HAGH: variants seen among roughly 807,000 people sequenced by gnomAD.
The protein encoded by HAGH is hydroxyacylglutathione hydrolase.
HAGH carries 29 observed loss-of-function variants against 35.1 expected under a neutral mutation model. The ratio of observed to expected loss-of-function variants is 0.83; its 90% CI spans 0.62 to 1.13. HAGH has a LOEUF of 1.13. Among genes scored for constraint, HAGH ranks in the 50% most tolerant of loss-of-function variants. HAGH has a pLI of 0.00. For synonymous variants in HAGH, 225 were observed against 176.1 expected (o/e 1.28, Z -2.20); for missense variants, 478 against 419.6 (o/e 1.14, Z -1.22).
At chr16:1,813,509 T>C (rs1400672628) in intron 7 of HAGH, among the ~76,000 whole-genome samples, 1 of 152,152 alleles carries the variant, frequency 6.6e-6, no homozygotes, top group Non-Finnish European at 1.5e-5. Flanking sequence ...TGACCAGAAG[T>C]GCTTAGGGAT....
intron 7 of HAGH, among the ~76,000 whole-genome samples, chr16:1,813,854 T>C (rs1596916577): frequency 1.3e-5 from 2 of 152,204 alleles, no homozygotes; most frequent in East Asian, 1.9e-4. Context: ...TGGCAAGTCA[T>C]AGAGACCAAC....
At chr16:1,813,703 C>T (rs770195708) in intron 7 of HAGH, among the ~76,000 whole-genome samples, 5 of 152,162 alleles carry the variant, frequency 3.3e-5, no homozygotes, top group Admixed American at 6.6e-5. Flanking sequence ...TAGAAGTTCA[C>T]GAGATGATTC....
In HAGH at chr16:1,822,873, G is replaced by C; in HGVS notation, c.241C>G (p.Pro81Ala). The change falls in exon 2 of 9, where the codon CCC (proline) becomes GCC (alanine). Residue 81 changes from proline (P) to alanine (A), a missense_variant. Coordinates refer to ENST00000397356, the MANE Select transcript of HAGH (RefSeq NM_005326.6). ...KEAAIVDPVQ[P>A]QKVVDAARKH... ...GGCACAGCCATGCGCACCTTCTGGG[G>C]CTGCACCGGATCCACAATGGCAGCC... 6.2e-7 allele frequency: 1 copy of C among 1,613,498 alleles called. No homozygotes were observed. Among genetic ancestry groups the C allele is most frequent in the Non-Finnish European group, 8.5e-7 (1 of 1,179,810 alleles).
intron 5 of HAGH, 114 bp downstream of exon 5, chr16:1,819,001 C>T: frequency 3.0e-6 from 2 of 677,552 alleles, no homozygotes; most frequent in South Asian, 3.4e-5. Flanking sequence ...ACCCCTGGGC[C>T]CCCTCACACC....
chr16:1,822,253 G>A (rs748125623), intron 3 of HAGH, 47 bp downstream of exon 3: 35 of 1,305,610 alleles, frequency 2.7e-5, no homozygotes, highest in Middle Eastern at 1.8e-4. Context: ...CCACCGGGGC[G>A]AGAAGTGAGC....
intron 3 of HAGH, among the ~76,000 whole-genome samples, chr16:1,820,664 G>A (rs1898115732): frequency 1.3e-5 from 2 of 152,174 alleles, no homozygotes; most frequent in Non-Finnish European, 2.9e-5. Flanking sequence ...GGTTGAAGGG[G>A]CCCTTCCCGG....
Position 1,816,878 on chromosome 16 carries a change from G to C in HAGH, c.747+15C>G, listed in dbSNP as rs762870876. ...AGCCCACAGGAAGGCACTGCGCAGT[G>C]ACGGCCCCACTCACCTTGGCCCAGG... On this transcript the variant is annotated intron_variant, in intron 7 of 8. Transcript: ENST00000397356. The C allele has an allele frequency of 3.2e-6, 5 of 1,558,530 alleles. No individual in the cohort carries two copies. The South Asian group carries it at 5.6e-5, about 17-fold the overall frequency.
At position 1,817,004 on chromosome 16, in the gene HAGH, G is replaced by A; in HGVS notation, c.646-10C>T. On this transcript the variant is annotated splice_polypyrimidine_tract_variant and intron_variant, in intron 6 of 8. Coordinates refer to ENST00000397356, the MANE Select transcript of HAGH (RefSeq NM_005326.6). ...GGCCACAGTAGACTCTCTGAGGAGA[G>A]AGGTGACAGGTGAGCTCGGAAGGCT... The A allele has an allele frequency of 1.9e-6, 3 of 1,584,204 alleles. No individual in the cohort carries two copies. The highest frequency in any genetic ancestry group is 1.7e-4 in the Middle Eastern group (1 of 6,042).
At position 1,826,748 on chromosome 16, in the gene HAGH, C is replaced by A. The variant is rs993200644; in HGVS notation, c.40G>T (p.Ala14Ser). 2 of 1,196,502 alleles carry A rather than the reference C, an allele frequency of 1.7e-6. No individual in the cohort carries two copies. The highest frequency in any genetic ancestry group is 1.6e-5 in the African/African-American group (1 of 62,900). 74.1% of individuals were successfully genotyped at this position (1,196,502 alleles called of 1,614,324 possible). Residue 14 changes from alanine to serine, a missense_variant, in exon 1 of 9, where the codon GCC becomes TCC. Ala to Ser is a moderately conservative substitution (Grantham distance 99). Transcript: ENST00000397356. ...CGGGCGCAGGCGGCTCCCAGCGCGG[C>A]GAGGCTGCGGCGGCCGAGCAGCCCT... The part of the protein sequence containing the change: ...GRGLLGRRSL[A>S]ALGAACARRG...
chr16:1,817,039 T>C (rs11860469), intron 6 of HAGH, 45 bp from the exon 7 acceptor site: 107,881 of 1,440,156 alleles, frequency 0.075, 4,567 homozygotes, highest in African/African-American at 0.16. Flanking sequence ...TGTTACCACC[T>C]GTGAAAGTCC....
Position 1,813,631 on chromosome 16 carries a change from G to T in HAGH, c.747+3262C>A, listed in dbSNP as rs572379003. Among the ~76,000 whole-genome samples, 19 of 152,288 alleles carry T rather than the reference G, an allele frequency of 1.2e-4. No individual in the cohort carries two copies. The East Asian group carries it at 3.5e-3, about 28-fold the overall frequency. ...CACAGAAACACTCAATGTTAAGATC[G>T]CAATTCTCGCCACATCAGTTATCAC... On this transcript the variant is annotated intron_variant, in intron 7 of 8. Coordinates refer to ENST00000397356, the MANE Select transcript of HAGH (RefSeq NM_005326.6).
chr16:1,818,917 C>G, intron 5 of HAGH, 198 bp downstream of exon 5: 1 of 579,802 alleles, frequency 1.7e-6, no homozygotes, highest in Non-Finnish European at 3.1e-6. Flanking sequence ...GCAAGCGTAA[C>G]TTCCTTCCAG....
intron 3 of HAGH, among the ~76,000 whole-genome samples, chr16:1,821,096 C>T (rs533756922): frequency 2.8e-4 from 43 of 152,272 alleles, no homozygotes; most frequent in African/African-American, 9.9e-4. Flanking sequence ...GCAAGGGCCT[C>T]GCACGACAGG....
rs1555467326 is a variant in HAGH, at chr16:1,814,930, T to TACACAA, written c.747+1962_747+1963insTTGTGT. 6.5e-4 allele frequency among the ~76,000 whole-genome samples: 92 copies of TACACAA among 140,712 alleles called. 2 individuals are homozygous for TACACAA. The Middle Eastern group carries it at 0.01, about 16-fold the overall frequency. The allele number at this position is 140,712 out of a possible 152,430, so 92.3% of individuals were successfully genotyped here. ...AAACAAATAAATATATATATGTATA[T>TACACAA]ACACACACACACACACACACACACA... On this transcript the variant is annotated intron_variant, in intron 7 of 8. Transcript: ENST00000397356.
chr16:1,809,912 C>G, intron 7 of HAGH, 79 bp from the exon 8 acceptor site: 1 of 1,070,536 alleles, frequency 9.3e-7, no homozygotes, highest in Non-Finnish European at 1.4e-6. Context: ...GTCTGTGATA[C>G]CAGCACTTTG....
Position 1,809,210 on chromosome 16 carries a change from C to G in HAGH, c.*73G>C, listed in dbSNP as rs781070088. Reference sequence around the variant, plus strand: ...AAGGTTAAATCAAGACTGAATTTCCCGCACGGACCAGCAGGAAAGCCAGTT... The same window carrying G: ...AAGGTTAAATCAAGACTGAATTTCCGGCACGGACCAGCAGGAAAGCCAGTT... On this transcript the variant is annotated 3_prime_UTR_variant, in exon 9 of 9. Transcript: ENST00000397356. 2.0e-6 allele frequency: 2 copies of G among 1,011,722 alleles called. No homozygotes were observed. The highest frequency in any genetic ancestry group is 3.0e-6 in the Non-Finnish European group (2 of 662,760). The allele number at this position is 1,011,722 out of a possible 1,614,324, so 62.7% of individuals were successfully genotyped here. A position where few individuals can be genotyped will look rare whatever the true frequency, so the allele number is the denominator to read the frequency against.
At chr16:1,817,074 C>A in intron 6 of HAGH, 80 bp from the exon 7 acceptor site, 1 of 1,338,132 alleles carries the variant, frequency 7.5e-7, no homozygotes. Context: ...TGGATGCCCC[C>A]GGGGGGTGTC....
At position 1,819,712 on chromosome 16, in the gene HAGH, GC is replaced by G. The variant is rs1898057880; in HGVS notation, c.432+184del. The G allele has an allele frequency of 2.2e-5, 14 of 622,684 alleles. No homozygotes were observed. The South Asian group carries it at 2.6e-4, about 11-fold the overall frequency. The allele number at this position is 622,684 out of a possible 1,614,324, so 38.6% of individuals were successfully genotyped here. ...GCCCTGCTTCACAGCCCCGCACACA[GC>G]CGCGTTTTGCACACTCCTCTCCTTG... On this transcript the variant is annotated intron_variant, in intron 4 of 8. Transcript: ENST00000397356.
intron 5 of HAGH, among the ~76,000 whole-genome samples, chr16:1,817,866 G>A (rs1412049509): frequency 1.3e-5 from 2 of 152,224 alleles, no homozygotes; most frequent in South Asian, 2.1e-4. Flanking sequence ...CTGACCTCAC[G>A]TGGCCGTCTG....
Sources: allele counts gnomAD v4.1 joint callset (sites outside exome capture counted in the v4.1 genomes callset), GRCh38; gene constraint gnomAD v4.1.1; transcripts MANE v1.5; gene names NCBI Gene and HGNC (gene_info 2026-07-23, HGNC 2026-07-21).